Variants in PTPRD observed in about 807,000 individuals in gnomAD.
The protein encoded by PTPRD is receptor-type tyrosine-protein phosphatase delta.
Under a neutral mutation model 214.5 loss-of-function variants are expected in PTPRD, and 34 were observed. The ratio of observed to expected loss-of-function variants is 0.16; its 90% confidence interval spans 0.12 to 0.21. The LOEUF (loss-of-function observed/expected upper bound fraction) is 0.21. PTPRD is among the 10% of genes least tolerant of loss of function. PTPRD has a pLI of 1.00. For synonymous variants in PTPRD, 1,128 were observed against 845.7 expected, an observed-to-expected ratio of 1.33 and a Z score of -5.79; for missense variants, 2,545 against 2,398.7, an observed-to-expected ratio of 1.06 and a Z score of -1.27.
chr9:8,999,891 T>G (rs926057065), intron 11 of PTPRD, among the ~76,000 whole-genome samples: 1 of 151,880 alleles, frequency 6.6e-6, no homozygotes, highest in African/African-American at 2.4e-5. Flanking sequence ...TAAAGAAAAA[T>G]AAATCCTCTC....
chr9:9,529,333 T>C (rs542688315), intron 8 of PTPRD, among the ~76,000 whole-genome samples: 1 of 149,428 alleles, frequency 6.7e-6, no homozygotes, highest in East Asian at 2.0e-4. Context: ...GAAAGACTAG[T>C]AACAAAATAA....
In PTPRD at chr9:8,465,651, G is replaced by C; in HGVS notation, c.3529C>G (p.Arg1177Gly). ...TCTCTCCCATAACGGATGCTTCTGC[G>C]CTTCCTAGATATCTCCTTAAGCAGC... Reference protein sequence around the residue: ...DELLKEISRKRRSIRYGREVE... With the variant: ...DELLKEISRKGRSIRYGREVE... Residue 1177 changes from arginine to glycine, a missense_variant, in exon 32 of 46, where the codon CGC becomes GGC. Arg to Gly is a moderately radical substitution (Grantham distance 125). Coordinates refer to ENST00000381196, the MANE Select transcript of PTPRD (RefSeq NM_002839.4). 6.2e-7 allele frequency: 1 copy of C among 1,611,738 alleles called. No homozygotes were observed. The highest frequency in any genetic ancestry group is 8.5e-7 in the Non-Finnish European group (1 of 1,178,614).
chr9:9,330,059 C>T (rs1043024339), intron 9 of PTPRD, among the ~76,000 whole-genome samples: 29 of 152,056 alleles, frequency 1.9e-4, no homozygotes, highest in African/African-American at 4.8e-4. Flanking sequence ...ATTGGGTTTA[C>T]GTAGAGAAAC....
intron 14 of PTPRD, among the ~76,000 whole-genome samples, chr9:8,623,677 G>A (rs1369377712): frequency 6.6e-6 from 1 of 151,840 alleles, no homozygotes; most frequent in African/African-American, 2.4e-5. Context: ...ATTATCTCCT[G>A]TAATCATCCT....
intron 3 of PTPRD, among the ~76,000 whole-genome samples, chr9:10,210,246 A>T (rs1250314516): frequency 6.6e-6 from 1 of 152,172 alleles, no homozygotes; most frequent in Non-Finnish European, 1.5e-5. Flanking sequence ...AGTAATACCC[A>T]TTTGTGAATT....
At chr9:10,270,779 A>G (rs967871352) in intron 3 of PTPRD, among the ~76,000 whole-genome samples, 1 of 152,222 alleles carries the variant, frequency 6.6e-6, no homozygotes, top group African/African-American at 2.4e-5. Flanking sequence ...CCTATAAGAA[A>G]TGATCTGAAA....
intron 21 of PTPRD, among the ~76,000 whole-genome samples, chr9:8,509,945 C>G (rs763071528): frequency 1.5e-4 from 23 of 152,062 alleles, no homozygotes; most frequent in Non-Finnish European, 3.1e-4. Flanking sequence ...CCTTATCCTT[C>G]TTTTGAAATG....
chr9:9,592,778 C>T (rs2092868866), intron 7 of PTPRD, among the ~76,000 whole-genome samples: 1 of 152,024 alleles, frequency 6.6e-6, no homozygotes, highest in Non-Finnish European at 1.5e-5. Context: ...GGCATGGTGG[C>T]TCACACCTGT....
chr9:8,806,115 G>T (rs893110126), intron 11 of PTPRD, among the ~76,000 whole-genome samples: 28 of 151,882 alleles, frequency 1.8e-4, no homozygotes, highest in African/African-American at 6.8e-4. Context: ...AGTAGAGACG[G>T]GGTTTCATCA....
intron 2 of PTPRD, among the ~76,000 whole-genome samples, chr9:10,381,456 T>C (rs1226576464): frequency 6.6e-6 from 1 of 151,992 alleles, no homozygotes; most frequent in Non-Finnish European, 1.5e-5. Flanking sequence ...ATGCTTTCAA[T>C]AGAGTGAAAT....
intron 7 of PTPRD, among the ~76,000 whole-genome samples, chr9:9,702,931 T>C (rs547227032): frequency 1.3e-5 from 2 of 152,316 alleles, no homozygotes; most frequent in Admixed American, 6.5e-5. Context: ...TGGATCTATA[T>C]ATGAGTCTAG....
chr9:9,480,812 G>A (rs1243350189), intron 8 of PTPRD, among the ~76,000 whole-genome samples: 2 of 152,028 alleles, frequency 1.3e-5, no homozygotes, highest in South Asian at 2.1e-4. Context: ...ACAACTAAAT[G>A]CTAAAACATG....
chr9:9,519,473 AAAGG>A (rs1224126479), intron 8 of PTPRD, among the ~76,000 whole-genome samples: 1 of 151,948 alleles, frequency 6.6e-6, no homozygotes, highest in African/African-American at 2.4e-5. Context: ...GGAAAAGAAT[AAAGG>A]CATATATAAT....
At chr9:8,405,879 A>T (rs1015293969) in intron 35 of PTPRD, among the ~76,000 whole-genome samples, 1 of 152,178 alleles carries the variant, frequency 6.6e-6, no homozygotes, top group Non-Finnish European at 1.5e-5. Context: ...AAAATACTAA[A>T]GATGTGCACA....
At chr9:9,382,241 CT>C (rs1026784013) in intron 9 of PTPRD, among the ~76,000 whole-genome samples, 26 of 152,054 alleles carry the variant, frequency 1.7e-4, no homozygotes, top group African/African-American at 5.5e-4. Flanking sequence ...TATATTACAA[CT>C]TTGCTAAATT....
At chr9:10,163,441 C>T (rs1217557694) in intron 3 of PTPRD, among the ~76,000 whole-genome samples, 2 of 151,422 alleles carry the variant, frequency 1.3e-5, no homozygotes, top group Admixed American at 1.3e-4. Context: ...TGTGACTATA[C>T]TCACTTTTAT....
intron 9 of PTPRD, among the ~76,000 whole-genome samples, chr9:9,340,614 G>C (rs1358598017): frequency 6.6e-6 from 1 of 152,178 alleles, no homozygotes; most frequent in East Asian, 1.9e-4. Flanking sequence ...TTAATACAGA[G>C]TACGGAATTC....
At position 10,111,273 on chromosome 9, in the gene PTPRD, C is replaced by T. The variant is rs546057707; in HGVS notation, c.-544-77483G>A. Among the ~76,000 whole-genome samples, 3 of 108,164 alleles carry T rather than the reference C, an allele frequency of 2.8e-5. No individual in the cohort carries two copies. In the East Asian group the frequency reaches 8.9e-4, roughly 32 times the overall value. The allele number at this position is 108,164 out of a possible 152,430, so 71.0% of individuals were successfully genotyped here. Reference sequence around the variant, plus strand: ...TTTTTTTTTGAGACGGAGTCTCGCTCTGTCGCCCAGGCTGGAGTGCAGTGG... The same window carrying T: ...TTTTTTTTTGAGACGGAGTCTCGCTTTGTCGCCCAGGCTGGAGTGCAGTGG... On this transcript the variant is annotated intron_variant, in intron 3 of 45. Transcript: ENST00000381196.
chr9:10,419,908 C>A (rs1438120942), intron 2 of PTPRD, among the ~76,000 whole-genome samples: 1 of 151,592 alleles, frequency 6.6e-6, no homozygotes, highest in Non-Finnish European at 1.5e-5. Flanking sequence ...TTAAGTTTTG[C>A]TTCTAGAAAC....
Sources: allele counts gnomAD v4.1 joint callset (sites outside exome capture counted in the v4.1 genomes callset), GRCh38; gene constraint gnomAD v4.1.1; transcripts MANE v1.5; gene names NCBI Gene and HGNC (gene_info 2026-07-23, HGNC 2026-07-21).